Variants in CHMP7 observed in about 807,000 individuals in gnomAD.
The protein encoded by CHMP7 is CHMP family, member 7.
CHMP7 carries 15 observed loss-of-function variants against 53.7 expected under a neutral mutation model. That is an observed-to-expected ratio of 0.28 (90% CI 0.19 to 0.43). CHMP7 has a LOEUF of 0.43. CHMP7 is among the 20% of genes least tolerant of loss of function. The pLI is 1.00. For missense variants in CHMP7, 527 were observed against 569.4 expected (o/e 0.93, Z 0.76); for synonymous variants, 261 against 228.0 (o/e 1.14, Z -1.30).
rs1436277916 is a variant in CHMP7 at position 23,261,649 on chromosome 8, C to T, written c.*1050C>T. 1.3e-5 allele frequency: 2 copies of T among 152,840 alleles called. No homozygotes were observed. The highest frequency in any genetic ancestry group is 2.4e-5 in the African/African-American group (1 of 41,560). 9.5% of individuals were successfully genotyped at this position (152,840 alleles called of 1,614,324 possible). ...GCCACCCGTGCACCTGTCCTGCTTC[C>T]TGCAGTCCCCACTCCCTGCCTCCTT... On this transcript the variant is annotated 3_prime_UTR_variant, in exon 11 of 11. Transcript: ENST00000397677.
chr8:23,257,138 C>G (rs1266790056), intron 5 of CHMP7, among the ~76,000 whole-genome samples: 1 of 148,082 alleles, frequency 6.8e-6, no homozygotes, highest in Non-Finnish European at 1.5e-5. Flanking sequence ...TTGCACTGTC[C>G]CCTAGGCTGG....
chr8:23,248,334 GCTTC>G, intron 2 of CHMP7: 1 of 374,500 alleles, frequency 2.7e-6, no homozygotes, highest in Non-Finnish European at 5.4e-6. Context: ...CTCCACTGAA[GCTTC>G]CTGGTGCTTG....
rs373288680 is a variant in CHMP7, at chr8:23,252,195, C to CTTTTTTT, written c.471+2822_471+2828dup. 9.9e-4 allele frequency among the ~76,000 whole-genome samples: 104 copies of CTTTTTTT among 105,308 alleles called. 4 individuals carry two copies. The highest frequency in any genetic ancestry group is 3.0e-3 in the African/African-American group (102 of 34,002). 69.1% of individuals were successfully genotyped at this position (105,308 alleles called of 152,430 possible). A position where few individuals can be genotyped will look rare whatever the true frequency, so the allele number is the denominator to read the frequency against. ...CCTTTCCTGTTTTGTATTGTGTTATCTTTTTTTTTTTTTTGAGATGGAGTT... is the reference window on the plus strand; with the variant it reads ...CCTTTCCTGTTTTGTATTGTGTTATCTTTTTTTTTTTTTTTTTTTTTGAGATGGAGTT... On this transcript the variant is annotated intron_variant, in intron 3 of 10. Coordinates refer to ENST00000397677, the MANE Select transcript of CHMP7 (RefSeq NM_152272.5).
intron 2 of CHMP7, chr8:23,247,919 T>G: frequency 1.3e-5 from 2 of 154,398 alleles, no homozygotes; most frequent in Non-Finnish European, 1.4e-5. Context: ...GTTTGGTTGG[T>G]TTTTTTTTTT....
In CHMP7 at chr8:23,246,530, G is replaced by C. The variant is rs1429077161; in HGVS notation, c.-166G>C. 3.2e-6 allele frequency: 2 copies of C among 625,534 alleles called. No homozygotes were observed. Among genetic ancestry groups the C allele is most frequent in the South Asian group, 2.0e-5 (1 of 50,176 alleles). 38.7% of individuals were successfully genotyped at this position (625,534 alleles called of 1,614,324 possible). A position where few individuals can be genotyped will look rare whatever the true frequency, so the allele number is the denominator to read the frequency against. On this transcript the variant is annotated 5_prime_UTR_variant, in exon 2 of 11. Transcript: ENST00000397677. ...TGCCTCCTGGCTGACGGAGCGCAGC[G>C]CAACGCATGCGCCTTGAAGACTTAT...
intron 1 of CHMP7, among the ~76,000 whole-genome samples, chr8:23,244,839 T>C (rs370849532): frequency 6.6e-6 from 1 of 152,238 alleles, no homozygotes. Context: ...GTTTTCCTTA[T>C]GTAGAATTTG....
intron 2 of CHMP7, among the ~76,000 whole-genome samples, chr8:23,248,965 C>T (rs1178462606): frequency 6.6e-6 from 1 of 152,204 alleles, no homozygotes; most frequent in Non-Finnish European, 1.5e-5. Context: ...CTCTGCTTAC[C>T]TTCTGAGTCC....
At chr8:23,257,965 G>C (rs1802204367) in intron 5 of CHMP7, 68 bp from the exon 6 acceptor site, 9 of 1,059,382 alleles carry the variant, frequency 8.5e-6, no homozygotes, top group Non-Finnish European at 1.3e-5. Flanking sequence ...GCTGCTCTCA[G>C]GGACCCTTTG....
Position 23,258,349 on chromosome 8 carries a change from C to T in CHMP7, c.860C>T (p.Ala287Val). 2 of 1,614,182 alleles carry T rather than the reference C, an allele frequency of 1.2e-6. No individual in the cohort carries two copies. The highest frequency in any genetic ancestry group is 1.7e-6 in the Non-Finnish European group (2 of 1,180,018). ...KKQLALRSLK[A>V]KQRTEKRIEA... ...CTCCAGGCACTGAGGTCTCTCAAGG[C>T]CAAGCAACGGACAGAGAAGCGCATC... The change falls in exon 7 of 11, where the codon GCC (alanine) becomes GTC (valine). Residue 287 changes from alanine (A) to valine (V), a missense_variant. Coordinates refer to ENST00000397677, the MANE Select transcript of CHMP7 (RefSeq NM_152272.5).
At chr8:23,248,906 G>A (rs1801813596) in intron 2 of CHMP7, among the ~76,000 whole-genome samples, 1 of 152,190 alleles carries the variant, frequency 6.6e-6, no homozygotes. Context: ...TTGCCTTAGT[G>A]GAGCACTTGC....
intron 2 of CHMP7, 110 bp downstream of exon 2, chr8:23,247,104 G>C: frequency 2.7e-6 from 3 of 1,128,228 alleles, no homozygotes; most frequent in Non-Finnish European, 3.6e-6. Flanking sequence ...CCCAGTGTCT[G>C]GCCCAGAGAA....
intron 2 of CHMP7, 94 bp downstream of exon 2, chr8:23,247,088 GC>G: frequency 7.9e-7 from 1 of 1,258,514 alleles, no homozygotes; most frequent in Non-Finnish European, 1.1e-6. Flanking sequence ...AGCGCACTGC[GC>G]CCAGCCCAGT....
rs35764309 is a variant in CHMP7, at chr8:23,246,493, ACTT to A, written c.-201_-199del. The A allele has an allele frequency of 0.6, 354,293 of 593,564 alleles. 111,375 individuals carry two copies. Among genetic ancestry groups the A allele is most frequent in the Non-Finnish European group, 0.66 (221,186 of 335,796 alleles). 36.8% of individuals were successfully genotyped at this position (593,564 alleles called of 1,614,324 possible). A position where few individuals can be genotyped will look rare whatever the true frequency, so the allele number is the denominator to read the frequency against. On this transcript the variant is annotated 5_prime_UTR_variant, in exon 2 of 11. Coordinates refer to ENST00000397677, the MANE Select transcript of CHMP7 (RefSeq NM_152272.5). ...AGCGCTCGGTGTCTCTCTGAAAAGAACTTCATCATACTGCCTCCTGGCTGACGG... is the reference window on the plus strand; with the variant it reads ...AGCGCTCGGTGTCTCTCTGAAAAGAACATCATACTGCCTCCTGGCTGACGG...
In CHMP7 at chr8:23,255,328, A is replaced by G; in HGVS notation, c.553A>G (p.Thr185Ala). ...HPVVALSELS[T>A]LCANSCPDER... Reference sequence around the variant, plus strand: ...CGTGGTGGCCCTGTCAGAGCTCAGCACCCTCTGTGCTAACTCCTGCCCAGA... The same window carrying G: ...CGTGGTGGCCCTGTCAGAGCTCAGCGCCCTCTGTGCTAACTCCTGCCCAGA... The change falls in exon 4 of 11, where the codon ACC becomes GCC. Residue 185 changes from threonine (T) to alanine (A), a missense_variant. Transcript: ENST00000397677. The G allele has an allele frequency of 6.2e-7, 1 of 1,614,058 alleles. No individual in the cohort carries two copies. The highest frequency in any genetic ancestry group is 8.5e-7 in the Non-Finnish European group (1 of 1,180,014).
Position 23,246,579 on chromosome 8 carries a change from G to A in CHMP7, c.-117G>A, listed in dbSNP as rs1801690974. The stretch of plus-strand genomic sequence containing the variant: ...ATGGAACTTATTTCACGCTCAGGGC[G>A]GCGGTGACGTGTGAACGAGAAGGAG... On this transcript the variant is annotated 5_prime_UTR_variant, in exon 2 of 11. Coordinates refer to ENST00000397677, the MANE Select transcript of CHMP7 (RefSeq NM_152272.5). 2 of 805,454 alleles carry A rather than the reference G, an allele frequency of 2.5e-6. No homozygotes were observed. Among genetic ancestry groups the A allele is most frequent in the Admixed American group, 2.8e-5 (1 of 35,548 alleles). The allele number at this position is 805,454 out of a possible 1,614,324, so 49.9% of individuals were successfully genotyped here.
rs543795921 is a variant in CHMP7, at chr8:23,253,785, T to C, written c.472-1462T>C. Among the ~76,000 whole-genome samples, 3 of 152,328 alleles carry C rather than the reference T, an allele frequency of 2.0e-5. No individual in the cohort carries two copies. The South Asian group carries it at 6.2e-4, about 32-fold the overall frequency. On this transcript the variant is annotated intron_variant, in intron 3 of 10. Coordinates refer to ENST00000397677, the MANE Select transcript of CHMP7 (RefSeq NM_152272.5). ...TGTTATCTTCTGAATTTTGTTTGTC[T>C]CCACCACTCCTCTTTCTATGTTTAT...
chr8:23,260,335 T>C lies in CHMP7; in HGVS notation c.1300+12T>C. On this transcript the variant is annotated intron_variant, in intron 10 of 10. Transcript: ENST00000397677. ...CTTATCAGAGGGAGGTATGGAGCTG[T>C]TTTCCAAGGCCTTTGGAGGGCATAT... The C allele has an allele frequency of 6.2e-7, 1 of 1,613,988 alleles. No homozygotes were observed. The highest frequency in any genetic ancestry group is 8.5e-7 in the Non-Finnish European group (1 of 1,179,872).
chr8:23,250,558 TG>T (rs1276604535), intron 3 of CHMP7, among the ~76,000 whole-genome samples: 2 of 151,546 alleles, frequency 1.3e-5, no homozygotes, highest in Admixed American at 1.3e-4. Context: ...CTCTGTCATC[TG>T]GTGCAGACCT....
intron 3 of CHMP7, among the ~76,000 whole-genome samples, chr8:23,253,688 C>T (rs1802016840): frequency 6.6e-6 from 1 of 152,202 alleles, no homozygotes; most frequent in South Asian, 2.1e-4. Context: ...AATAGCATCA[C>T]ATCCACCAGT....
Sources: gnomAD v4.1 joint callset for allele counts (sites outside exome capture counted in the v4.1 genomes callset) on GRCh38, gnomAD v4.1.1 for gene constraint, MANE v1.5 for transcripts, NCBI Gene and HGNC (gene_info 2026-07-23, HGNC 2026-07-21) for gene names.